Variants in SMC6 observed in about 807,000 individuals in gnomAD.
The protein encoded by SMC6 is structural maintenance of chromosomes 6.
In SMC6, 79 loss-of-function variants were observed where a neutral mutation model predicts 142.2. That is an observed-to-expected ratio of 0.56 (90% confidence interval 0.46 to 0.67). The LOEUF (loss-of-function observed/expected upper bound fraction) is 0.67, where lower values mean the gene tolerates loss of function less well. SMC6 is among the 30% of genes least tolerant of loss of function. The pLI, the probability that SMC6 is intolerant of heterozygous loss-of-function variation, is 0.00. For synonymous variants in SMC6, 411 were observed against 412.4 expected (o/e 1.00, Z 0.04); for missense variants, 1,072 against 1,284.0 (o/e 0.83, Z 2.52).
chr2:17,717,063 GA>G, intron 13 of SMC6, 24 bp downstream of exon 13: 1 of 1,596,392 alleles, frequency 6.3e-7, no homozygotes, highest in Non-Finnish European at 8.5e-7. Flanking sequence ...GGATAGCCAT[GA>G]AAATTTCAAA....
At chr2:17,693,891 T>G (rs893928180) in intron 23 of SMC6, among the ~76,000 whole-genome samples, 3 of 146,738 alleles carry the variant, frequency 2.0e-5, no homozygotes, top group African/African-American at 5.1e-5. Flanking sequence ...TCCCAGCTAC[T>G]CAGGAGGCTG....
chr2:17,751,414 G>A (rs1671028689), intron 2 of SMC6, among the ~76,000 whole-genome samples: 1 of 149,296 alleles, frequency 6.7e-6, no homozygotes, highest in South Asian at 2.1e-4. Context: ...CGGGAGGCAG[G>A]ATTGCACCAC....
intron 27 of SMC6, 68 bp from the exon 28 acceptor site, chr2:17,665,681 AT>A: frequency 1.1e-6 from 1 of 880,052 alleles, no homozygotes; most frequent in Non-Finnish European, 1.7e-6. Flanking sequence ...AAATTCTAAT[AT>A]TACCTCATGA....
chr2:17,717,468 T>G (rs149467486), intron 12 of SMC6, among the ~76,000 whole-genome samples: 3,203 of 152,074 alleles, frequency 0.021, 81 homozygotes, highest in Non-Finnish European at 0.024. Flanking sequence ...TCAGGAGATC[T>G]AGACCACCCT....
At chr2:17,678,993 A>G in intron 24 of SMC6, 29 bp from the exon 25 acceptor site, 1 of 1,488,628 alleles carries the variant, frequency 6.7e-7, no homozygotes, top group Non-Finnish European at 9.3e-7. Context: ...GGCACATTAA[A>G]AAGAGGGCAA....
intron 25 of SMC6, among the ~76,000 whole-genome samples, chr2:17,678,044 C>A (rs748966785): frequency 2.6e-5 from 4 of 152,046 alleles, no homozygotes; most frequent in Non-Finnish European, 5.9e-5. Flanking sequence ...CATATGCCCT[C>A]TTTTAACACA....
intron 7 of SMC6, among the ~76,000 whole-genome samples, chr2:17,727,805 A>G (rs1013407165): frequency 2.6e-5 from 4 of 152,214 alleles, no homozygotes; most frequent in African/African-American, 9.7e-5. Flanking sequence ...TTGGTATACC[A>G]ATGGTTAAAA....
At position 17,701,855 on chromosome 2, in the gene SMC6, G is replaced by A. The variant is rs767210375; in HGVS notation, c.2197C>T (p.His733Tyr). The change falls in exon 20 of 28, where the codon CAC (histidine) becomes TAC (tyrosine). Residue 733 changes from histidine (H) to tyrosine (Y), a missense_variant. His to Tyr is a moderately conservative substitution (Grantham distance 83). Coordinates refer to ENST00000448223, the MANE Select transcript of SMC6 (RefSeq NM_001142286.2). ...EIRELENIEE[H>Y]QSVDIATLED... is the part of the protein sequence containing the mutation. Reference sequence around the variant, plus strand: ...AAAGTTGCAATATCTACAGACTGGTGTTCTTCTATGTTCTCAAGTTCCCGA... The same window carrying A: ...AAAGTTGCAATATCTACAGACTGGTATTCTTCTATGTTCTCAAGTTCCCGA... The A allele has an allele frequency of 6.3e-7, 1 of 1,578,410 alleles. No homozygotes were observed. Among genetic ancestry groups the A allele is most frequent in the South Asian group, 1.2e-5 (1 of 85,858 alleles).
chr2:17,746,001 T>A, intron 2 of SMC6, 50 bp from the exon 3 acceptor site: 1 of 1,466,602 alleles, frequency 6.8e-7, no homozygotes, highest in East Asian at 2.5e-5. Flanking sequence ...TCCATATATA[T>A]TAAACTCAAC....
At chr2:17,698,124 G>C (rs1268601542) in intron 21 of SMC6, among the ~76,000 whole-genome samples, 1 of 151,978 alleles carries the variant, frequency 6.6e-6, no homozygotes, top group African/African-American at 2.4e-5. Context: ...TTTTTGCCAG[G>C]GGATGGGAAC....
At position 17,696,676 on chromosome 2, in the gene SMC6, T is replaced by G. The variant is rs191193437; in HGVS notation, c.2395-250A>C. Among the ~76,000 whole-genome samples the G allele has an allele frequency of 3.7e-4, 57 of 152,278 alleles. No homozygotes were observed. The East Asian group carries it at 8.7e-3, about 23-fold the overall frequency. On this transcript the variant is annotated intron_variant, in intron 21 of 27. Coordinates refer to ENST00000448223, the MANE Select transcript of SMC6 (RefSeq NM_001142286.2). ...TTTATTCTAATAAACTAGGTGTTTT[T>G]GGGGGAATCCACATTAGCCTTTAAA...
intron 9 of SMC6, among the ~76,000 whole-genome samples, chr2:17,722,530 A>G (rs1446136284): frequency 6.6e-6 from 1 of 152,042 alleles, no homozygotes; most frequent in Non-Finnish European, 1.5e-5. Context: ...CTTTCTATCC[A>G]GGTTTCATGA....
At chr2:17,717,409 C>T (rs550263142) in intron 12 of SMC6, among the ~76,000 whole-genome samples, 4 of 152,304 alleles carry the variant, frequency 2.6e-5, no homozygotes, top group South Asian at 2.1e-4. Context: ...CTGTGGCTCA[C>T]GCCTGTAATC....
At chr2:17,726,286 A>T in intron 8 of SMC6, 103 bp downstream of exon 8, 1 of 703,480 alleles carries the variant, frequency 1.4e-6, no homozygotes, top group East Asian at 3.1e-5. Context: ...GGCTTTAAGG[A>T]AAAAAAAAAC....
At chr2:17,738,006 T>C (rs774488063) in intron 5 of SMC6, among the ~76,000 whole-genome samples, 9 of 152,108 alleles carry the variant, frequency 5.9e-5, no homozygotes, top group Non-Finnish European at 1.0e-4. Context: ...CACAGGGCAA[T>C]AGGTTACACA....
chr2:17,693,785 C>T (rs1174592660), intron 23 of SMC6, among the ~76,000 whole-genome samples: 2 of 151,892 alleles, frequency 1.3e-5, no homozygotes, highest in African/African-American at 2.4e-5. Flanking sequence ...CATCTGAGAT[C>T]AGCAGTTCAA....
At position 17,685,096 on chromosome 2, in the gene SMC6, TA is replaced by T. The variant is rs1205305181; in HGVS notation, c.2679-1334del. Among the ~76,000 whole-genome samples, 10 of 116,020 alleles carry T rather than the reference TA, an allele frequency of 8.6e-5. No homozygotes were observed. The East Asian group carries it at 2.2e-3, about 26-fold the overall frequency. 76.1% of individuals were successfully genotyped at this position (116,020 alleles called of 152,430 possible). A position where few individuals can be genotyped will look rare whatever the true frequency, so the allele number is the denominator to read the frequency against. On this transcript the variant is annotated intron_variant, in intron 23 of 27. Transcript: ENST00000448223. The stretch of plus-strand genomic sequence containing the variant: ...AATGTGGAAAACACATAGATGGAAA[TA>T]AAGAACATAAATGAGAAAATCAAGC...
chr2:17,676,570 T>G (rs932502328), intron 25 of SMC6, among the ~76,000 whole-genome samples: 1 of 152,178 alleles, frequency 6.6e-6, no homozygotes, highest in Non-Finnish European at 1.5e-5. Context: ...AGCTTGTCAA[T>G]TTCTACAAAA....
chr2:17,717,498 C>T (rs1055648056), intron 12 of SMC6, among the ~76,000 whole-genome samples: 10 of 151,970 alleles, frequency 6.6e-5, no homozygotes, highest in East Asian at 1.9e-4. Context: ...GGTGAAACCC[C>T]GTCTCTACTA....
Sources: gnomAD v4.1 joint callset for allele counts (sites outside exome capture counted in the v4.1 genomes callset) on GRCh38, gnomAD v4.1.1 for gene constraint, MANE v1.5 for transcripts, NCBI Gene and HGNC (gene_info 2026-07-23, HGNC 2026-07-21) for gene names.